Variants in PAPPA2 observed in about 807,000 individuals in gnomAD.
PAPPA2 encodes the protein pappalysin 2.
In PAPPA2, 86 loss-of-function variants were observed where a neutral mutation model predicts 176.4. The ratio of observed to expected loss-of-function variants is 0.49; its 90% confidence interval spans 0.41 to 0.58. The LOEUF (loss-of-function observed/expected upper bound fraction) is 0.58. PAPPA2 is among the 20% of genes least tolerant of loss of function. The pLI is 0.00. For synonymous variants in PAPPA2, 809 were observed against 852.2 expected (o/e 0.95, Z 0.88); for missense variants, 2,073 against 2,256.9 (o/e 0.92, Z 1.65).
At chr1:176,526,513 G>C (rs548102489) in intron 1 of PAPPA2, among the ~76,000 whole-genome samples, 1 of 152,346 alleles carries the variant, frequency 6.6e-6, no homozygotes, top group East Asian at 1.9e-4. Flanking sequence ...GTACCACATG[G>C]AAGGAGAGCT....
chr1:176,655,503 C>T (rs951087326), intron 3 of PAPPA2, among the ~76,000 whole-genome samples: 2 of 151,668 alleles, frequency 1.3e-5, no homozygotes, highest in Admixed American at 1.3e-4. Context: ...ATATAAATGG[C>T]CAACAAGCGG....
At chr1:176,610,595 G>C (rs1465566762) in intron 3 of PAPPA2, among the ~76,000 whole-genome samples, 3 of 151,984 alleles carry the variant, frequency 2.0e-5, no homozygotes, top group African/African-American at 4.8e-5. Flanking sequence ...ACACAGTCCT[G>C]GTCAGTTTTT....
intron 14 of PAPPA2, among the ~76,000 whole-genome samples, chr1:176,755,267 G>A (rs1663361571): frequency 1.3e-5 from 2 of 152,106 alleles, no homozygotes; most frequent in South Asian, 2.1e-4. Context: ...CCCCACAGGT[G>A]TTTTATGTTC....
chr1:176,785,177 A>G (rs542656677), intron 17 of PAPPA2, among the ~76,000 whole-genome samples: 233 of 152,302 alleles, frequency 1.5e-3, no homozygotes, highest in African/African-American at 5.5e-3. Context: ...GGGACTAGGA[A>G]GAATCCAGAA....
chr1:176,721,280 A>G (rs569608742), intron 12 of PAPPA2, among the ~76,000 whole-genome samples: 1 of 152,342 alleles, frequency 6.6e-6, no homozygotes, highest in East Asian at 1.9e-4. Context: ...TTTATAATGA[A>G]TAAGATACCT....
In PAPPA2 at chr1:176,557,104, C is replaced by T. The variant is rs1209807673; in HGVS notation, c.782C>T (p.Pro261Leu). ...ACCTTTAACTCCCAAGTAGGACTGC[C>T]CATCTTATACTTCTCTGGGAGGCGG... ...AETFNSQVGL[P>L]ILYFSGRRER... The change falls in exon 2 of 23, where the codon CCC becomes CTC. Residue 261 changes from proline to leucine, a missense_variant. Pro to Leu is a moderately conservative substitution (Grantham distance 98). Transcript: ENST00000367662. 1.2e-6 allele frequency: 2 copies of T among 1,613,764 alleles called. No individual in the cohort carries two copies. Among genetic ancestry groups the T allele is most frequent in the Non-Finnish European group, 8.5e-7 (1 of 1,180,008 alleles).
intron 2 of PAPPA2, among the ~76,000 whole-genome samples, chr1:176,564,010 G>A (rs1045912940): frequency 1.3e-5 from 2 of 152,068 alleles, no homozygotes; most frequent in African/African-American, 4.8e-5. Flanking sequence ...CAGACTTGCA[G>A]CAATGACTGA....
At chr1:176,571,700 C>T (rs1652346270) in intron 2 of PAPPA2, among the ~76,000 whole-genome samples, 1 of 152,192 alleles carries the variant, frequency 6.6e-6, no homozygotes, top group South Asian at 2.1e-4. Context: ...TATAACTTAG[C>T]ATGAAATTAT....
intron 1 of PAPPA2, among the ~76,000 whole-genome samples, chr1:176,492,236 C>A (rs10798458): frequency 6.6e-6 from 1 of 151,984 alleles, no homozygotes; most frequent in Non-Finnish European, 1.5e-5. Flanking sequence ...GGCTTAGACA[C>A]GGTCGTTCTC....
chr1:176,812,329 A>G (rs529824027), intron 21 of PAPPA2, among the ~76,000 whole-genome samples: 2 of 152,094 alleles, frequency 1.3e-5, no homozygotes, highest in African/African-American at 4.8e-5. Context: ...AAATGCTACC[A>G]TCTTTTCTTT....
intron 3 of PAPPA2, chr1:176,616,469 G>A (rs1160732802): frequency 1.1e-5 from 8 of 721,852 alleles, no homozygotes; most frequent in South Asian, 2.9e-5. Context: ...CTTTCCCAAG[G>A]CCTACAATGC....
chr1:176,814,261 T>C (rs2102965839), intron 21 of PAPPA2, among the ~76,000 whole-genome samples: 1 of 152,292 alleles, frequency 6.6e-6, no homozygotes, highest in South Asian at 2.1e-4. Flanking sequence ...ATATTGGCCA[T>C]TTGGGCTCTT....
chr1:176,559,024 T>A (rs1265950269), intron 2 of PAPPA2, among the ~76,000 whole-genome samples: 1 of 152,126 alleles, frequency 6.6e-6, no homozygotes, highest in Non-Finnish European at 1.5e-5. Flanking sequence ...GAAAGCAGTG[T>A]CATGATTTGA....
intron 10 of PAPPA2, among the ~76,000 whole-genome samples, chr1:176,709,135 A>C (rs377403716): frequency 6.6e-6 from 1 of 152,160 alleles, no homozygotes; most frequent in East Asian, 1.9e-4. Context: ...TGTCCAGTGC[A>C]TACTAGCTGG....
intron 21 of PAPPA2, among the ~76,000 whole-genome samples, chr1:176,818,992 C>T (rs543320138): frequency 1.3e-5 from 2 of 152,278 alleles, no homozygotes; most frequent in African/African-American, 2.4e-5. Context: ...ATTTGTTATG[C>T]TTGATGTCTG....
At chr1:176,529,640 A>G (rs891383513) in intron 1 of PAPPA2, among the ~76,000 whole-genome samples, 1 of 152,316 alleles carries the variant, frequency 6.6e-6, no homozygotes, top group Non-Finnish European at 1.5e-5. Flanking sequence ...TGCCACACAC[A>G]CATCTCTTCC....
chr1:176,489,333 T>C (rs1652793195), intron 1 of PAPPA2, among the ~76,000 whole-genome samples: 1 of 152,200 alleles, frequency 6.6e-6, no homozygotes, highest in Non-Finnish European at 1.5e-5. Flanking sequence ...CCCACTCTAA[T>C]GTATGGGATT....
chr1:176,736,343 T>C (rs1413024370), intron 12 of PAPPA2, among the ~76,000 whole-genome samples: 1 of 151,688 alleles, frequency 6.6e-6, no homozygotes, highest in Non-Finnish European at 1.5e-5. Context: ...TCTATATATA[T>C]ATAAAATGTA....
At chr1:176,810,931 C>G (rs895903502) in intron 21 of PAPPA2, among the ~76,000 whole-genome samples, 18 of 152,324 alleles carry the variant, frequency 1.2e-4, no homozygotes, top group African/African-American at 4.3e-4. Context: ...TCCCGAATCT[C>G]TTTCCTTTCT....
Sources: gnomAD v4.1 joint callset for allele counts (sites outside exome capture counted in the v4.1 genomes callset) on GRCh38, gnomAD v4.1.1 for gene constraint, MANE v1.5 for transcripts, NCBI Gene and HGNC (gene_info 2026-07-23, HGNC 2026-07-21) for gene names.